Variants in CPNE7 observed in about 807,000 individuals in gnomAD.
CPNE7 encodes the protein copine-7.
A neutral mutation model predicts 66.5 loss-of-function variants in CPNE7; 78 were observed. The observed-to-expected ratio is 1.17, with a 90% CI of 0.98 to 1.42. CPNE7 has a LOEUF of 1.42. CPNE7 is among the 40% of genes most tolerant of loss of function. The pLI is 0.00. For synonymous variants in CPNE7, 468 were observed against 336.7 expected, an observed-to-expected ratio of 1.39 and a Z score of -4.27; for missense variants, 1,012 against 776.6, an observed-to-expected ratio of 1.30 and a Z score of -3.60.
In CPNE7 at chr16:89,584,018, C is replaced by T; in HGVS notation, c.433-10C>T. On this transcript the variant is annotated splice_polypyrimidine_tract_variant and intron_variant, in intron 3 of 14. Transcript: ENST00000319518. This position sits in a 1 kb window ranked among gnomAD's most constrained non-coding sequence, Gnocchi z 6.0. The stretch of plus-strand genomic sequence containing the variant: ...TGGCCAAGCCTGGAGCCCGGGCGTC[C>T]CCCTGCCAGGTGATCGCCGAGGACA... The T allele has an allele frequency of 6.2e-7, 1 of 1,611,746 alleles. No homozygotes were observed. Among genetic ancestry groups the T allele is most frequent in the Non-Finnish European group, 8.5e-7 (1 of 1,179,480 alleles).
chr16:89,583,010 G>A (rs542271387), intron 2 of CPNE7, among the ~76,000 whole-genome samples: 2 of 152,362 alleles, frequency 1.3e-5, no homozygotes, highest in South Asian at 4.1e-4. Context: ...GCAGGGGCCT[G>A]GGCCTGTCAT....
chr16:89,575,999 G>A lies in CPNE7; in HGVS notation c.102G>A (p.Leu34=). The A allele has an allele frequency of 1.5e-6, 2 of 1,377,924 alleles. No homozygotes were observed. Among genetic ancestry groups the A allele is most frequent in the Non-Finnish European group, 1.9e-6 (2 of 1,065,006 alleles). 85.4% of individuals were successfully genotyped at this position (1,377,924 alleles called of 1,614,324 possible). ...VELRLSCRHL[L]DRDPLTKSDP... ...TGCGGCTCAGCTGCCGGCACCTGCT[G>A]GACCGCGACCCGCTCACCAAGTCCG... is the stretch of plus-strand genomic sequence containing the variant. The change falls in exon 1 of 15, where the codon CTG becomes CTA. Residue 34 remains leucine, a synonymous_variant. Transcript: ENST00000319518.
chr16:89,577,250 G>C (rs2058874768), intron 1 of CPNE7, among the ~76,000 whole-genome samples: 1 of 152,276 alleles, frequency 6.6e-6, no homozygotes, highest in Admixed American at 6.5e-5. Context: ...GCCCAGCCCA[G>C]GGTGTGAATC....
rs774141388 is a variant in CPNE7, at chr16:89,596,568, C to T, written c.1624C>T (p.Pro542Ser). The T allele has an allele frequency of 6.2e-7, 1 of 1,609,010 alleles. No homozygotes were observed. Among genetic ancestry groups the T allele is most frequent in the Non-Finnish European group, 8.5e-7 (1 of 1,179,766 alleles). Residue 542 changes from proline (P) to serine (S), a missense_variant, in exon 15 of 15, where the codon CCG (proline) becomes TCG (serine). Physicochemically the swap from Pro to Ser is moderately conservative, Grantham distance 74. Coordinates refer to ENST00000319518, the MANE Select transcript of CPNE7 (RefSeq NM_153636.3). Reference sequence around the variant, plus strand: ...GTACTACAGCCACAGAGGCCTGCCCCCGAGAAGCCTGGGTGTCCCTGCCGG... The same window carrying T: ...GTACTACAGCCACAGAGGCCTGCCCTCGAGAAGCCTGGGTGTCCCTGCCGG... ...VEYYSHRGLP[P>S]RSLGVPAGEA... is the part of the protein sequence containing the mutation.
At chr16:89,590,905 G>T (rs2059157043) in intron 11 of CPNE7, 102 bp from the exon 12 acceptor site, 8 of 1,211,896 alleles carry the variant, frequency 6.6e-6, no homozygotes, top group Non-Finnish European at 9.1e-6. Context: ...CTGACTGGGG[G>T]ACATGGGGGC....
Position 89,596,547 on chromosome 16 carries a change from T to G in CPNE7, c.1603T>G (p.Tyr535Asp). The G allele has an allele frequency of 6.2e-7, 1 of 1,609,820 alleles. No individual in the cohort carries two copies. Among genetic ancestry groups the G allele is most frequent in the Non-Finnish European group, 8.5e-7 (1 of 1,179,816 alleles). ...AEVPKQVVEY[Y>D]SHRGLPPRSL... ...GGTCCCGAAGCAGGTGGTGGAGTAC[T>G]ACAGCCACAGAGGCCTGCCCCCGAG... The change falls in exon 15 of 15, where the codon TAC becomes GAC. Residue 535 changes from tyrosine to aspartate, a missense_variant. Tyr to Asp is a radical substitution (Grantham distance 160). Coordinates refer to ENST00000319518, the MANE Select transcript of CPNE7 (RefSeq NM_153636.3).
chr16:89,591,216 G>A lies in CPNE7; in HGVS notation c.1258G>A (p.Val420Met), dbSNP rs1346447348. The A allele has an allele frequency of 1.3e-6, 2 of 1,590,136 alleles. No homozygotes were observed. The highest frequency in any genetic ancestry group is 2.3e-5 in the East Asian group (1 of 43,952). The change falls in exon 13 of 15, where the codon GTG becomes ATG. Residue 420 changes from valine to methionine, a missense_variant. Transcript: ENST00000319518. ...PTNVAPIISK[V>M]ARVAAAEEST... ...CAACGTGGCGCCCATCATCTCCAAG[G>A]TGGCACGCGTGGCGGCGGCCGAGGA...
intron 13 of CPNE7, among the ~76,000 whole-genome samples, chr16:89,592,688 C>T (rs1231079487): frequency 4.6e-5 from 7 of 150,968 alleles, no homozygotes; most frequent in East Asian, 2.0e-4. Context: ...GTGATCCACC[C>T]GCCTCGGCCT....
chr16:89,578,323 A>G (rs185091207), intron 2 of CPNE7, among the ~76,000 whole-genome samples: 168 of 151,730 alleles, frequency 1.1e-3, no homozygotes, highest in Admixed American at 2.2e-3. Context: ...TTGTCCTCCC[A>G]AAGTGCTGGG....
In CPNE7 at chr16:89,585,454, C is replaced by T. The variant is rs1255335474; in HGVS notation, c.592-10C>T. Reference sequence around the variant, plus strand: ...GGGCCTCCCCTGAGCCAGCCCCTCCCGGCCCACAGGTGGTGAAGAACAACC... The same window carrying T: ...GGGCCTCCCCTGAGCCAGCCCCTCCTGGCCCACAGGTGGTGAAGAACAACC... On this transcript the variant is annotated splice_polypyrimidine_tract_variant and intron_variant, in intron 5 of 14. Transcript: ENST00000319518. The T allele has an allele frequency of 1.6e-5, 26 of 1,605,528 alleles. No individual in the cohort carries two copies. Among genetic ancestry groups the T allele is most frequent in the South Asian group, 2.2e-5 (2 of 90,194 alleles).
intron 8 of CPNE7, 54 bp from the exon 9 acceptor site, chr16:89,586,989 G>A: frequency 6.6e-7 from 1 of 1,520,204 alleles, no homozygotes; most frequent in Non-Finnish European, 9.0e-7. Flanking sequence ...ATCCCAGCTG[G>A]CACTGGCCTC....
Position 89,588,412 on chromosome 16 carries a change from C to T in CPNE7, c.928-263C>T, listed in dbSNP as rs979133088. Among the ~76,000 whole-genome samples the T allele has an allele frequency of 1.4e-4, 21 of 152,106 alleles. 1 individual carries two copies. The highest frequency in any genetic ancestry group is 1.1e-3 in the Admixed American group (17 of 15,282). Reference sequence around the variant, plus strand: ...TTGGGCGGCCACTAAGAAGGATGGGCGGGGCCCCCACAAGGCCAGGGTGAT... The same window carrying T: ...TTGGGCGGCCACTAAGAAGGATGGGTGGGGCCCCCACAAGGCCAGGGTGAT... On this transcript the variant is annotated intron_variant, in intron 9 of 14. Coordinates refer to ENST00000319518, the MANE Select transcript of CPNE7 (RefSeq NM_153636.3).
At chr16:89,588,243 G>GATACACGGCCCCCGTGTCACCCC (rs2059114407) in intron 9 of CPNE7, among the ~76,000 whole-genome samples, 1 of 118,174 alleles carries the variant, frequency 8.5e-6, no homozygotes, top group Non-Finnish European at 2.0e-5. Flanking sequence ...CGTGTCACCC[G>GATACACGGCCCCCGTGTCACCCC]CGTGTTATTT....
Position 89,584,643 on chromosome 16 carries a change from C to A in CPNE7, c.508-131C>A. 1 of 696,126 alleles carries A rather than the reference C, an allele frequency of 1.4e-6. No individual in the cohort carries two copies. 43.1% of individuals were successfully genotyped at this position (696,126 alleles called of 1,614,324 possible). A position where few individuals can be genotyped will look rare whatever the true frequency, so the allele number is the denominator to read the frequency against. On this transcript the variant is annotated intron_variant, in intron 4 of 14. Coordinates refer to ENST00000319518, the MANE Select transcript of CPNE7 (RefSeq NM_153636.3). The surrounding 1 kb of genome is among the most constrained non-coding windows in gnomAD (Gnocchi z 6.0). ...ACGAGATGCTGTCGGCGGGGACTGG[C>A]TGCCTCGTTTTGTGCCTGAGGAATT...
chr16:89,593,749 C>G (rs934544708), intron 13 of CPNE7, among the ~76,000 whole-genome samples: 1 of 152,198 alleles, frequency 6.6e-6, no homozygotes, highest in Non-Finnish European at 1.5e-5. Flanking sequence ...AATTTAGATA[C>G]AATCCTTTTA....
chr16:89,576,415 G>A (rs908836542), intron 1 of CPNE7, among the ~76,000 whole-genome samples: 1 of 151,956 alleles, frequency 6.6e-6, no homozygotes, highest in Non-Finnish European at 1.5e-5. Context: ...CGACCAAGAG[G>A]CGCAAGGAGA....
rs1404148910 is a variant in CPNE7, at chr16:89,585,741, T to C, written c.736T>C (p.Ser246Pro). ...AAAGCACGACTTCATCGGAGAATTCTCTACCACCTTCGAGGAGATGCAGAA... is the reference window on the plus strand; with the variant it reads ...AAAGCACGACTTCATCGGAGAATTCCCTACCACCTTCGAGGAGATGCAGAA... Reference protein sequence around the residue: ...RGKHDFIGEFSTTFEEMQKAF... With the variant: ...RGKHDFIGEFPTTFEEMQKAF... Residue 246 changes from serine to proline, a missense_variant, in exon 7 of 15, where the codon TCT becomes CCT. Physicochemically the swap from Ser to Pro is moderately conservative, Grantham distance 74. Coordinates refer to ENST00000319518, the MANE Select transcript of CPNE7 (RefSeq NM_153636.3). 2.0e-6 allele frequency: 3 copies of C among 1,520,888 alleles called. No homozygotes were observed. Among genetic ancestry groups the C allele is most frequent in the Non-Finnish European group, 2.7e-6 (3 of 1,130,904 alleles). The allele number at this position is 1,520,888 out of a possible 1,614,324, so 94.2% of individuals were successfully genotyped here.
At chr16:89,587,278 T>G (rs867058558) in intron 9 of CPNE7, among the ~76,000 whole-genome samples, 176 bp downstream of exon 9, 4 of 246 alleles carry the variant, frequency 0.016, 1 homozygote, top group Admixed American at 0.091. Flanking sequence ...GCCCCGCCCA[T>G]CCCCGCCCCC....
In CPNE7 at chr16:89,587,714, TAG is replaced by T. The variant is rs2059081118; in HGVS notation, c.927+613_927+614del. The T allele has an allele frequency of 9.6e-6, 2 of 209,004 alleles. 1 individual carries two copies. The highest frequency in any genetic ancestry group is 2.2e-5 in the Non-Finnish European group (2 of 90,010). The allele number at this position is 209,004 out of a possible 1,614,324, so 12.9% of individuals were successfully genotyped here. Reference sequence around the variant, plus strand: ...ATACGCACACCCCGTGTCACCCCCATAGCACCCCCGTGTCACCCACAGATACA... The same window carrying T: ...ATACGCACACCCCGTGTCACCCCCATCACCCCCGTGTCACCCACAGATACA... On this transcript the variant is annotated intron_variant, in intron 9 of 14. Transcript: ENST00000319518.
Sources: gnomAD v4.1 joint callset for allele counts (sites outside exome capture counted in the v4.1 genomes callset) on GRCh38, gnomAD v4.1.1 for gene constraint, Gnocchi (gnomAD v3.1) non-coding constraint, MANE v1.5 for transcripts, NCBI Gene and HGNC (gene_info 2026-07-23, HGNC 2026-07-21) for gene names.